FAM185A: variants seen among roughly 807,000 people sequenced by gnomAD.
The protein encoded by FAM185A is protein FAM185A.
A neutral mutation model predicts 45.7 loss-of-function variants in FAM185A; 21 were observed. The ratio of observed to expected loss-of-function variants is 0.46; its 90% CI spans 0.33 to 0.66. The LOEUF (loss-of-function observed/expected upper bound fraction) is 0.66. FAM185A is among the 30% of genes least tolerant of loss of function. The pLI is 0.03. For synonymous variants in FAM185A, 117 were observed against 194.0 expected (o/e 0.60, Z 3.30); for missense variants, 305 against 485.4 (o/e 0.63, Z 3.49).
At chr7:102,786,573 C>T (rs1036987494) in intron 6 of FAM185A, among the ~76,000 whole-genome samples, 3 of 152,196 alleles carry the variant, frequency 2.0e-5, no homozygotes, top group South Asian at 2.1e-4. Context: ...CAAACTATCG[C>T]AAGGACAAAA....
the FAM185A span, among the ~76,000 whole-genome samples, chr7:102,818,552 A>C: frequency 6.6e-6 from 1 of 152,288 alleles, no homozygotes; most frequent in African/African-American, 2.4e-5. Context: ...GCTAGAGAGG[A>C]GAACTCTGAT....
chr7:102,819,692 G>A, the FAM185A span, among the ~76,000 whole-genome samples: 4 of 152,174 alleles, frequency 2.6e-5, no homozygotes, highest in Non-Finnish European at 5.9e-5. Context: ...TCCCAAGCCA[G>A]AAAAATCTCT....
chr7:102,790,052 G>C (rs1419231847), intron 7 of FAM185A, among the ~76,000 whole-genome samples: 1 of 152,026 alleles, frequency 6.6e-6, no homozygotes, highest in South Asian at 2.1e-4. Flanking sequence ...CTTCCTGAAG[G>C]ACTTACCTGA....
chr7:102,768,138 A>G (rs1368174248), intron 4 of FAM185A, among the ~76,000 whole-genome samples: 1 of 120,504 alleles, frequency 8.3e-6, no homozygotes, highest in African/African-American at 2.5e-5. Context: ...AGTAATGCAC[A>G]TTGAACATGT....
chr7:102,807,976 G>T (rs1797230510), intron 7 of FAM185A, among the ~76,000 whole-genome samples: 1 of 152,168 alleles, frequency 6.6e-6, no homozygotes, highest in Non-Finnish European at 1.5e-5. Flanking sequence ...CCGGAGAACC[G>T]CTTGAACCCA....
intron 7 of FAM185A, among the ~76,000 whole-genome samples, chr7:102,793,747 G>A (rs1796275778): frequency 6.6e-6 from 1 of 151,356 alleles, no homozygotes; most frequent in Non-Finnish European, 1.5e-5. Flanking sequence ...CTTTAAAAAT[G>A]TAAAAGCCCG....
At chr7:102,843,378 G>C in the FAM185A span, among the ~76,000 whole-genome samples, 1 of 152,168 alleles carries the variant, frequency 6.6e-6, no homozygotes, top group South Asian at 2.1e-4. Context: ...AGGAGGCAGA[G>C]GTTGCAGTGA....
intron 4 of FAM185A, among the ~76,000 whole-genome samples, chr7:102,768,019 T>C (rs372516201): frequency 0.03 from 3,581 of 118,706 alleles, 27 homozygotes; most frequent in Middle Eastern, 0.054. Flanking sequence ...ATTTCTACAC[T>C]TCTGTTTTAG....
chr7:102,772,620 T>A (rs1237621619), intron 5 of FAM185A, among the ~76,000 whole-genome samples, 170 bp downstream of exon 5: 1 of 151,226 alleles, frequency 6.6e-6, no homozygotes, highest in African/African-American at 2.4e-5. Context: ...TCGAAGAAAA[T>A]CGCCTGAGCT....
rs996049425 is a variant in FAM185A, at chr7:102,755,072, T to A, written c.562-2782T>A. ...CATGTCTATGAAATTTTACTTATAATTTTGTAAGTTCATGTGAGCTTGGTT... is the reference window on the plus strand; with the variant it reads ...CATGTCTATGAAATTTTACTTATAAATTTGTAAGTTCATGTGAGCTTGGTT... On this transcript the variant is annotated intron_variant, in intron 2 of 7. Transcript: ENST00000413034. 7 of 375,558 alleles carry A rather than the reference T, an allele frequency of 1.9e-5. No individual in the cohort carries two copies. In the South Asian group the frequency reaches 2.2e-4, roughly 12 times the overall value. 23.3% of individuals were successfully genotyped at this position (375,558 alleles called of 1,614,324 possible).
intron 6 of FAM185A, among the ~76,000 whole-genome samples, chr7:102,785,339 C>T (rs1243558158): frequency 6.7e-6 from 1 of 149,990 alleles, no homozygotes; most frequent in Non-Finnish European, 1.5e-5. Context: ...CTTTAAAGTT[C>T]ATATGGAACC....
intron 6 of FAM185A, among the ~76,000 whole-genome samples, chr7:102,785,256 A>C (rs1325233662): frequency 6.6e-6 from 1 of 151,818 alleles, no homozygotes; most frequent in Non-Finnish European, 1.5e-5. Context: ...CATACTGCCC[A>C]AGGTAATTTA....
In FAM185A at chr7:102,784,564, C is replaced by G. The variant is rs568283434; in HGVS notation, c.932-2771C>G. Reference sequence around the variant, plus strand: ...CAATAAACATAATCCAGCATATAAACAGAACCAACGACAAAAACCATATGA... The same window carrying G: ...CAATAAACATAATCCAGCATATAAAGAGAACCAACGACAAAAACCATATGA... On this transcript the variant is annotated intron_variant, in intron 6 of 7. Transcript: ENST00000413034. 3.4e-3 allele frequency among the ~76,000 whole-genome samples: 510 copies of G among 152,188 alleles called. 6 individuals carry two copies. Among genetic ancestry groups the G allele is most frequent in the Non-Finnish European group, 6.2e-3 (424 of 67,994 alleles).
At chr7:102,783,922 T>C (rs1395552891) in intron 6 of FAM185A, among the ~76,000 whole-genome samples, 1 of 151,930 alleles carries the variant, frequency 6.6e-6, no homozygotes, top group Non-Finnish European at 1.5e-5. Flanking sequence ...ATCAACAAAA[T>C]TGATAGACCG....
intron 3 of FAM185A, among the ~76,000 whole-genome samples, chr7:102,758,510 T>A (rs540091404): frequency 3.4e-5 from 5 of 147,130 alleles, no homozygotes; most frequent in African/African-American, 1.0e-4. Flanking sequence ...TGGTATTTTT[T>A]AATCAACTCC....
the FAM185A span, among the ~76,000 whole-genome samples, chr7:102,815,742 G>A: frequency 6.6e-6 from 1 of 151,950 alleles, no homozygotes; most frequent in African/African-American, 2.4e-5. Flanking sequence ...CAGTTTTGAC[G>A]GCTCTAGATA....
In FAM185A at chr7:102,757,510, T is replaced by C. The variant is rs535250272; in HGVS notation, c.562-344T>C. Among the ~76,000 whole-genome samples the C allele has an allele frequency of 9.3e-4, 141 of 152,348 alleles. 1 individual carries two copies. Among genetic ancestry groups the C allele is most frequent in the Admixed American group, 2.0e-3 (30 of 15,308 alleles). On this transcript the variant is annotated intron_variant, in intron 2 of 7. Coordinates refer to ENST00000413034, the MANE Select transcript of FAM185A (RefSeq NM_001145268.2). ...TGATAACTATTATTGTTATTAATGA[T>C]GAATAGTAACTGATTATTATTGTCA...
chr7:102,798,189 G>C (rs899259551), intron 7 of FAM185A, among the ~76,000 whole-genome samples: 1 of 147,734 alleles, frequency 6.8e-6, no homozygotes, highest in African/African-American at 2.4e-5. Context: ...CAAAGAAACA[G>C]TGTGTGATTT....
At chr7:102,845,513 T>C in the FAM185A span, among the ~76,000 whole-genome samples, 1 of 152,174 alleles carries the variant, frequency 6.6e-6, no homozygotes, top group Non-Finnish European at 1.5e-5. Flanking sequence ...TGGTAGTTCA[T>C]AGGGCTTGAA....
Sources: gnomAD v4.1 joint callset for allele counts (sites outside exome capture counted in the v4.1 genomes callset) on GRCh38, gnomAD v4.1.1 for gene constraint, MANE v1.5 for transcripts, NCBI Gene and HGNC (gene_info 2026-07-23, HGNC 2026-07-21) for gene names.